MAJIN: variants seen among roughly 807,000 people sequenced by gnomAD.
The protein encoded by MAJIN is membrane-anchored junction protein.
MAJIN carries 27 observed loss-of-function variants against 30.2 expected under a neutral mutation model. The observed-to-expected ratio is 0.89, with a 90% CI of 0.66 to 1.23. The LOEUF is 1.23. Among genes scored for constraint, MAJIN ranks in the 50% most tolerant of loss-of-function variants. The probability of loss-of-function intolerance (pLI) is 0.00; values close to 1 mark genes in which losing one functional copy is unlikely to be tolerated. For missense variants in MAJIN, 253 were observed against 260.3 expected (o/e 0.97, Z 0.19); for synonymous variants, 78 against 91.6 (o/e 0.85, Z 0.85).
At chr11:64,963,019 C>T (rs971503509) in intron 1 of MAJIN, among the ~76,000 whole-genome samples, 2 of 151,984 alleles carry the variant, frequency 1.3e-5, no homozygotes, top group African/African-American at 4.8e-5. Flanking sequence ...CCCAGCTACT[C>T]GGGAGGCTAA....
chr11:64,942,847 T>C (rs921765672), intron 8 of MAJIN, among the ~76,000 whole-genome samples: 5 of 152,148 alleles, frequency 3.3e-5, no homozygotes, highest in African/African-American at 1.2e-4. Context: ...AATGAAACTA[T>C]GGTTTGGGGC....
At chr11:64,965,719 G>A (rs939586271) in intron 1 of MAJIN, among the ~76,000 whole-genome samples, 32 of 152,230 alleles carry the variant, frequency 2.1e-4, no homozygotes, top group African/African-American at 7.2e-4. Context: ...CACTTTGGGA[G>A]GCCGAGGCGG....
At chr11:64,943,794 C>T (rs141647567) in intron 8 of MAJIN, among the ~76,000 whole-genome samples, 7 of 152,262 alleles carry the variant, frequency 4.6e-5, no homozygotes, top group Non-Finnish European at 8.8e-5. Flanking sequence ...GGGTAGAGAG[C>T]GAGGAAAATG....
intron 7 of MAJIN, 137 bp downstream of exon 7, chr11:64,947,651 G>T: frequency 1.9e-6 from 2 of 1,059,362 alleles, no homozygotes; most frequent in Non-Finnish European, 2.9e-6. Context: ...GGGAAAATAT[G>T]GTCTTATGTT....
At chr11:64,954,421 G>A (rs1945600466) in intron 4 of MAJIN, 3 of 426,390 alleles carry the variant, frequency 7.0e-6, no homozygotes, top group Non-Finnish European at 4.4e-6. Context: ...GGTTGGGATG[G>A]TGAGGTTTCC....
chr11:64,940,726 CT>C, intron 8 of MAJIN, 80 bp from the exon 9 acceptor site: 2 of 1,311,900 alleles, frequency 1.5e-6, no homozygotes, highest in South Asian at 2.4e-5. Context: ...TGCTGGTGAA[CT>C]GATTTCATAT....
chr11:64,938,536 T>C lies in MAJIN; in HGVS notation c.*39A>G, dbSNP rs187236670. 3.2e-4 allele frequency: 490 copies of C among 1,535,900 alleles called. 9 individuals are homozygous for C. The South Asian group carries it at 3.7e-3, about 12-fold the overall frequency. Reference sequence around the variant, plus strand: ...TGCATTTGGAAGGCTCAAGAGTGGCTGCTCTTCCTGAAGAAATATCGAAAC... The same window carrying C: ...TGCATTTGGAAGGCTCAAGAGTGGCCGCTCTTCCTGAAGAAATATCGAAAC... On this transcript the variant is annotated 3_prime_UTR_variant, in exon 11 of 11. Transcript: ENST00000301896.
At chr11:64,942,982 C>A (rs544263475) in intron 8 of MAJIN, among the ~76,000 whole-genome samples, 2 of 152,300 alleles carry the variant, frequency 1.3e-5, no homozygotes, top group Admixed American at 1.3e-4. Flanking sequence ...AGTCTCCTCA[C>A]AAGACACTGT....
Position 64,939,857 on chromosome 11 carries a change from A to C in MAJIN, c.547-90T>G, listed in dbSNP as rs558401619. 1.6e-5 allele frequency: 18 copies of C among 1,139,266 alleles called. No individual in the cohort carries two copies. The Admixed American group carries it at 4.3e-4, about 27-fold the overall frequency. The allele number at this position is 1,139,266 out of a possible 1,614,324, so 70.6% of individuals were successfully genotyped here. A position where few individuals can be genotyped will look rare whatever the true frequency, so the allele number is the denominator to read the frequency against. On this transcript the variant is annotated intron_variant, in intron 9 of 10. Coordinates refer to ENST00000301896, the MANE Select transcript of MAJIN (RefSeq NM_001037225.3). ...AGGCCAAACACCCAGTATGAGCCAG[A>C]GGCAGTCTCACGCCAAGAGTTCTTT... is the stretch of plus-strand genomic sequence containing the variant.
At chr11:64,957,964 CAG>C (rs1565138077) in intron 3 of MAJIN, among the ~76,000 whole-genome samples, 1 of 150,264 alleles carries the variant, frequency 6.7e-6, no homozygotes, top group African/African-American at 2.5e-5. Context: ...TTTTTTAAGA[CAG>C]AGTTTCACAC....
intron 1 of MAJIN, among the ~76,000 whole-genome samples, chr11:64,966,294 G>C (rs941559663): frequency 6.6e-5 from 10 of 152,222 alleles, no homozygotes; most frequent in Admixed American, 6.5e-4. Context: ...TAGCACTCTG[G>C]GAGTCCAAGG....
intron 1 of MAJIN, among the ~76,000 whole-genome samples, chr11:64,962,580 A>G (rs141444099): frequency 5.6e-4 from 85 of 152,318 alleles, no homozygotes; most frequent in African/African-American, 1.9e-3. Context: ...TGCAAAAGAC[A>G]TAAGATTTGG....
chr11:64,966,338 C>G (rs1945809257), intron 1 of MAJIN, among the ~76,000 whole-genome samples: 1 of 151,658 alleles, frequency 6.6e-6, no homozygotes. Context: ...AGTTCAAGAC[C>G]AGCCTGGCCA....
intron 3 of MAJIN, 89 bp from the exon 4 acceptor site, chr11:64,954,891 C>G (rs769230519): frequency 8.8e-7 from 1 of 1,141,432 alleles, no homozygotes; most frequent in Non-Finnish European, 1.2e-6. Flanking sequence ...AACACTTCCA[C>G]TGAGCTAAAG....
intron 6 of MAJIN, among the ~76,000 whole-genome samples, chr11:64,948,116 C>T (rs943681804): frequency 1.3e-5 from 2 of 152,052 alleles, no homozygotes; most frequent in Admixed American, 1.3e-4. Context: ...CTGCCTTGGC[C>T]TCCCAAAGTG....
chr11:64,956,467 T>C (rs1293341526), intron 3 of MAJIN, among the ~76,000 whole-genome samples: 2 of 151,824 alleles, frequency 1.3e-5, no homozygotes, highest in Non-Finnish European at 2.9e-5. Flanking sequence ...CCAGCTTGGG[T>C]GACAAGAGTG....
intron 1 of MAJIN, among the ~76,000 whole-genome samples, chr11:64,960,687 T>C (rs995455567): frequency 6.6e-6 from 1 of 152,244 alleles, no homozygotes; most frequent in African/African-American, 2.4e-5. Context: ...ATTTTCATTA[T>C]GCTTTTCTCC....
At chr11:64,964,453 T>G (rs1945775009) in intron 1 of MAJIN, among the ~76,000 whole-genome samples, 1 of 152,130 alleles carries the variant, frequency 6.6e-6, no homozygotes, top group South Asian at 2.1e-4. Flanking sequence ...CCCTCAAGAT[T>G]GTTGACTTCT....
rs527995647 is a variant in MAJIN at position 64,947,882 on chromosome 11, T to A, written c.350-63A>T. The A allele has an allele frequency of 9.2e-6, 13 of 1,413,864 alleles. No individual in the cohort carries two copies. In the Admixed American group the frequency reaches 1.4e-4, roughly 16 times the overall value. 87.6% of individuals were successfully genotyped at this position (1,413,864 alleles called of 1,614,324 possible). A position where few individuals can be genotyped will look rare whatever the true frequency, so the allele number is the denominator to read the frequency against. ...ACTTTTTTTTTTTTTTTTTTGGAGA[T>A]TAAGTCTCTCTCTGTCACCCAGACT... On this transcript the variant is annotated intron_variant, in intron 6 of 10. Coordinates refer to ENST00000301896, the MANE Select transcript of MAJIN (RefSeq NM_001037225.3).
Sources: allele counts gnomAD v4.1 joint callset (sites outside exome capture counted in the v4.1 genomes callset), GRCh38; gene constraint gnomAD v4.1.1; transcripts MANE v1.5; gene names NCBI Gene and HGNC (gene_info 2026-07-23, HGNC 2026-07-21).